Variants in SAMD3 observed in about 807,000 individuals in gnomAD.
SAMD3 encodes the protein sterile alpha motif domain-containing protein 3.
A neutral mutation model predicts 58.5 loss-of-function variants in SAMD3; 63 were observed. The ratio of observed to expected loss-of-function variants is 1.08; its 90% CI spans 0.88 to 1.33. The LOEUF is 1.33. Among genes scored for constraint, SAMD3 ranks in the 40% most tolerant of loss-of-function variants. The pLI, the probability that SAMD3 is intolerant of heterozygous loss-of-function variation, is 0.00. For synonymous variants in SAMD3, 220 were observed against 210.3 expected, an observed-to-expected ratio of 1.05 and a Z score of -0.40; for missense variants, 604 against 608.4, an observed-to-expected ratio of 0.99 and a Z score of 0.08.
intron 1 of SAMD3, among the ~76,000 whole-genome samples, chr6:130,336,449 A>T (rs6935211): frequency 0.46 from 69,913 of 152,046 alleles, 18,984 homozygotes; most frequent in African/African-American, 0.76. Flanking sequence ...AAAGGAAGAG[A>T]ATTTACTACA....
chr6:130,273,312 C>A (rs1364517200), intron 2 of SAMD3, among the ~76,000 whole-genome samples: 8 of 152,052 alleles, frequency 5.3e-5, no homozygotes, highest in African/African-American at 1.7e-4. Context: ...AGTATAGTCA[C>A]CTCTGCTCTC....
At chr6:130,193,015 G>A (rs1316746794) in intron 5 of SAMD3, among the ~76,000 whole-genome samples, 1 of 152,094 alleles carries the variant, frequency 6.6e-6, no homozygotes, top group Non-Finnish European at 1.5e-5. Flanking sequence ...TTTCATCCGT[G>A]GACCCAAAAC....
At chr6:130,243,117 C>T (rs1387155858) in intron 2 of SAMD3, among the ~76,000 whole-genome samples, 1 of 152,202 alleles carries the variant, frequency 6.6e-6, no homozygotes, top group Non-Finnish European at 1.5e-5. Context: ...TTTCACAGCC[C>T]ACCCACATGT....
chr6:130,185,081 C>T (rs1792807290), intron 5 of SAMD3, among the ~76,000 whole-genome samples: 1 of 152,072 alleles, frequency 6.6e-6, no homozygotes, highest in African/African-American at 2.4e-5. Context: ...ATACAAGATC[C>T]ACCTAATTTA....
chr6:130,162,348 G>C, intron 8 of SAMD3: 1 of 694,772 alleles, frequency 1.4e-6, no homozygotes. Flanking sequence ...TTTTGAAGTA[G>C]TAAGACGGCA....
intron 4 of SAMD3, 141 bp downstream of exon 4, chr6:130,214,196 T>C (rs1405895163): frequency 3.2e-6 from 2 of 626,846 alleles, no homozygotes; most frequent in African/African-American, 3.8e-5. Flanking sequence ...TGTCCTTTGC[T>C]CAAATATTAG....
chr6:130,194,810 T>G (rs1793930162), intron 5 of SAMD3, among the ~76,000 whole-genome samples: 1 of 152,204 alleles, frequency 6.6e-6, no homozygotes. Flanking sequence ...GCTTAGCAGC[T>G]GAAGACTGAC....
intron 2 of SAMD3, among the ~76,000 whole-genome samples, chr6:130,231,301 C>G (rs1316353678): frequency 6.6e-6 from 1 of 152,178 alleles, no homozygotes; most frequent in Non-Finnish European, 1.5e-5. Flanking sequence ...CAGTGGTTCA[C>G]ACCTGTAATC....
At chr6:130,259,824 A>G (rs1774058623) in intron 2 of SAMD3, among the ~76,000 whole-genome samples, 1 of 152,214 alleles carries the variant, frequency 6.6e-6, no homozygotes, top group African/African-American at 2.4e-5. Context: ...ACAAAACTTT[A>G]GTACAATGCT....
At chr6:130,284,740 T>C (rs1775098543) in intron 2 of SAMD3, among the ~76,000 whole-genome samples, 1 of 152,188 alleles carries the variant, frequency 6.6e-6, no homozygotes, top group East Asian at 1.9e-4. Flanking sequence ...ACATAAAGAA[T>C]GCACTCGGAG....
chr6:130,328,549 C>A (rs1776828859), intron 1 of SAMD3, among the ~76,000 whole-genome samples: 1 of 152,146 alleles, frequency 6.6e-6, no homozygotes, highest in African/African-American at 2.4e-5. Flanking sequence ...TTATCTTGGA[C>A]TTTGAGGTTT....
At position 130,214,365 on chromosome 6, in the gene SAMD3, G is replaced by C. The variant is rs149146729; in HGVS notation, c.241C>G (p.Leu81Val). 1.2e-3 allele frequency: 1,886 copies of C among 1,607,008 alleles called. 39 individuals carry two copies. In the South Asian group the frequency reaches 0.02, roughly 17 times the overall value. ...KSPENPKKAA[L>V]VMQTEAARDY... ...CGAGCTGCTTCTGTTTGCATGACCA[G>C]GGCTGCCTTTTTGGGGTTTTCTGGG... Residue 81 changes from leucine to valine, a missense_variant, in exon 4 of 12, where the codon CTG becomes GTG. Transcript: ENST00000439090.
chr6:130,236,408 G>C (rs1773149801), intron 2 of SAMD3, among the ~76,000 whole-genome samples: 1 of 146,608 alleles, frequency 6.8e-6, no homozygotes, highest in Non-Finnish European at 1.5e-5. Flanking sequence ...TTCCGAGATG[G>C]AGTCATGCTC....
At chr6:130,166,515 G>T (rs1790748162) in intron 8 of SAMD3, among the ~76,000 whole-genome samples, 1 of 152,208 alleles carries the variant, frequency 6.6e-6, no homozygotes, top group South Asian at 2.1e-4. Context: ...ATAGACTTGG[G>T]TGTATTCTGG....
chr6:130,336,657 C>G (rs1337406016), intron 1 of SAMD3, among the ~76,000 whole-genome samples: 1 of 152,162 alleles, frequency 6.6e-6, no homozygotes, highest in Admixed American at 6.5e-5. Flanking sequence ...TGGCTTAATG[C>G]CTGACAGAAT....
intron 1 of SAMD3, among the ~76,000 whole-genome samples, chr6:130,346,062 CTTGATTAAAAA>C (rs1777439657): frequency 2.6e-5 from 4 of 152,276 alleles, no homozygotes; most frequent in Admixed American, 2.6e-4. Flanking sequence ...GAAAGAAAAA[CTTGATTAAAAA>C]TTAATATGGT....
chr6:130,183,351 G>GAAAAA, intron 7 of SAMD3: 1 of 370,832 alleles, frequency 2.7e-6, no homozygotes. Flanking sequence ...AAAAAAAAAG[G>GAAAAA]AAAAAAAAAA....
chr6:130,162,950 T>G (rs1790399280), intron 8 of SAMD3, among the ~76,000 whole-genome samples: 2 of 152,102 alleles, frequency 1.3e-5, no homozygotes, highest in Admixed American at 1.3e-4. Context: ...TCATTTTTAT[T>G]ATTTTTTAAT....
intron 5 of SAMD3, among the ~76,000 whole-genome samples, chr6:130,190,567 A>G (rs1345557405): frequency 1.3e-5 from 2 of 152,224 alleles, no homozygotes; most frequent in African/African-American, 4.8e-5. Flanking sequence ...AAATTGTACT[A>G]GATAGGATTA....
Sources: allele counts gnomAD v4.1 joint callset (sites outside exome capture counted in the v4.1 genomes callset), GRCh38; gene constraint gnomAD v4.1.1; transcripts MANE v1.5; gene names NCBI Gene and HGNC (gene_info 2026-07-23, HGNC 2026-07-21).